The following NFATC2 variants were observed in gnomAD, a reference collection of about 807,000 sequenced individuals.
The protein encoded by NFATC2 is nuclear factor of activated T cells 2, also known as nuclear factor of activated T-cells, cytoplasmic 2.
A neutral mutation model predicts 87.3 loss-of-function variants in NFATC2; 22 were observed. That is an observed-to-expected ratio of 0.25 (90% confidence interval 0.18 to 0.36). NFATC2 has a LOEUF of 0.36. Among genes scored for constraint, NFATC2 ranks in the 10% least tolerant of loss-of-function variants. The pLI is 1.00. For synonymous variants in NFATC2, 565 were observed against 542.2 expected, an observed-to-expected ratio of 1.04 and a Z score of -0.58; for missense variants, 1,149 against 1,259.1, an observed-to-expected ratio of 0.91 and a Z score of 1.32.
At chr20:51,408,675 A>G (rs1978747696) in intron 9 of NFATC2, among the ~76,000 whole-genome samples, 2 of 152,204 alleles carry the variant, frequency 1.3e-5, no homozygotes, top group Admixed American at 6.5e-5. Flanking sequence ...CATACTGGAC[A>G]TAAAAATCAA....
intron 1 of NFATC2, among the ~76,000 whole-genome samples, chr20:51,561,324 TA>T (rs10656009): frequency 0.026 from 937 of 36,664 alleles, 16 homozygotes; most frequent in African/African-American, 0.11. Flanking sequence ...TCAATCTAGT[TA>T]AAAAAAAAAA....
chr20:51,492,599 G>A (rs2075912508), intron 3 of NFATC2, among the ~76,000 whole-genome samples: 1 of 152,214 alleles, frequency 6.6e-6, no homozygotes, highest in South Asian at 2.1e-4. Context: ...AGGGGACTGT[G>A]CGGGGCCCTC....
Position 51,435,745 on chromosome 20 carries a change from C to T in NFATC2, c.1866G>A (p.Trp622Ter). Residue 622 changes from tryptophan to a stop codon, truncating the protein, a stop_gained, in exon 7 of 11, where the codon TGG (tryptophan) becomes TGA (stop). Transcript: ENST00000371564. LOFTEE classifies it high-confidence loss of function. ...TEKTTDGQQIWEMEATVDKDK... is the reference protein window; with the variant it reads ...TEKTTDGQQI The stretch of plus-strand genomic sequence containing the variant: ...CCTTATCCACCGTGGCTTCCATCTC[C>T]CAAATTTGCTGTCCATCTAGAAAAA... 6.2e-7 allele frequency: 1 copy of T among 1,606,652 alleles called. No individual in the cohort carries two copies. The highest frequency in any genetic ancestry group is 8.5e-7 in the Non-Finnish European group (1 of 1,176,226).
At chr20:51,442,707 G>GTTT (rs11422409) in intron 6 of NFATC2, among the ~76,000 whole-genome samples, 14 of 139,832 alleles carry the variant, frequency 1.0e-4, no homozygotes, top group African/African-American at 3.9e-4. Flanking sequence ...AATAAAGTTT[G>GTTT]TTTTTTTTTT....
At chr20:51,438,685 C>G (rs1359602010) in intron 6 of NFATC2, among the ~76,000 whole-genome samples, 2 of 152,162 alleles carry the variant, frequency 1.3e-5, no homozygotes, top group Non-Finnish European at 2.9e-5. Context: ...TCAAGGGACG[C>G]AACACGAAGA....
chr20:51,426,771 G>A (rs1321632584), intron 9 of NFATC2, among the ~76,000 whole-genome samples: 1 of 152,170 alleles, frequency 6.6e-6, no homozygotes, highest in East Asian at 1.9e-4. Context: ...CACTTTTGTA[G>A]AAGGGAAAGG....
chr20:51,434,549 T>G (rs1305349476), intron 8 of NFATC2, among the ~76,000 whole-genome samples: 1 of 152,252 alleles, frequency 6.6e-6, no homozygotes, highest in Admixed American at 6.5e-5. Context: ...ACATTATCTA[T>G]GACCTAATCC....
chr20:51,505,111 T>C (rs1328863576), intron 3 of NFATC2, among the ~76,000 whole-genome samples: 1 of 145,860 alleles, frequency 6.9e-6, no homozygotes, highest in Admixed American at 7.0e-5. Flanking sequence ...CCTCCCGGGT[T>C]CACACCATTA....
intron 9 of NFATC2, among the ~76,000 whole-genome samples, chr20:51,407,447 T>C (rs1056275629): frequency 2.6e-5 from 4 of 152,228 alleles, no homozygotes; most frequent in African/African-American, 9.7e-5. Flanking sequence ...AGCGAAAGAA[T>C]GGACAAATAA....
chr20:51,547,263 T>C (rs953091281), upstream of NFATC2, among the ~76,000 whole-genome samples: 4 of 152,094 alleles, frequency 2.6e-5, no homozygotes, highest in African/African-American at 4.8e-5. Flanking sequence ...GTGGTAGCCA[T>C]AGAGATAAGA....
intron 3 of NFATC2, among the ~76,000 whole-genome samples, chr20:51,492,370 T>C (rs981367448): frequency 2.0e-5 from 3 of 151,486 alleles, no homozygotes; most frequent in African/African-American, 7.3e-5. Context: ...CAGGCAGGAG[T>C]GTGCGTGAGT....
intron 6 of NFATC2, among the ~76,000 whole-genome samples, chr20:51,438,811 C>T (rs1383139683): frequency 6.6e-6 from 1 of 152,206 alleles, no homozygotes. Flanking sequence ...CTAGCCAGCC[C>T]TGCACTGGCA....
intron 9 of NFATC2, among the ~76,000 whole-genome samples, chr20:51,400,240 G>A (rs1265128019): frequency 6.6e-6 from 1 of 152,182 alleles, no homozygotes; most frequent in Non-Finnish European, 1.5e-5. Flanking sequence ...CAGCTCTAAA[G>A]TTCTGTAATG....
intron 5 of NFATC2, among the ~76,000 whole-genome samples, chr20:51,470,774 C>T (rs987236229): frequency 2.6e-5 from 4 of 152,130 alleles, no homozygotes; most frequent in Non-Finnish European, 5.9e-5. Flanking sequence ...GTGGATTATA[C>T]AGTAAGTAGT....
At chr20:51,414,312 A>C (rs938009431) in intron 9 of NFATC2, among the ~76,000 whole-genome samples, 5 of 152,250 alleles carry the variant, frequency 3.3e-5, no homozygotes, top group African/African-American at 1.2e-4. Flanking sequence ...GTTCATTTCC[A>C]GGACTTCAAG....
At chr20:51,544,819 G>T (rs1174078999), upstream of NFATC2, among the ~76,000 whole-genome samples, 1 of 152,182 alleles carries the variant, frequency 6.6e-6, no homozygotes, top group African/African-American at 2.4e-5. Context: ...CCAATGTGTG[G>T]CCAGAGATGA....
In NFATC2 at chr20:51,424,849, T is replaced by TAA. The variant is rs34696779; in HGVS notation, c.2722+7216_2722+7217dup. ...TATTTGCATATGCTCGGGATTACAT[T>TAA]AAAAAAAAAAAAACCCTAAAGCATT... On this transcript the variant is annotated intron_variant, in intron 9 of 10. Transcript: ENST00000371564. 1.7e-3 allele frequency among the ~76,000 whole-genome samples: 241 copies of TAA among 143,196 alleles called. 3 individuals are homozygous for TAA. The highest frequency in any genetic ancestry group is 0.011 in the Admixed American group (163 of 14,400). The allele number at this position is 143,196 out of a possible 152,430, so 93.9% of individuals were successfully genotyped here.
At chr20:51,502,908 G>A (rs6013202) in intron 3 of NFATC2, among the ~76,000 whole-genome samples, 15,896 of 152,204 alleles carry the variant, frequency 0.1, 1,386 homozygotes, top group African/African-American at 0.24. Context: ...GATGTCAAGA[G>A]GATCAATTCA....
At chr20:51,396,046 A>G (rs1378258596) in intron 10 of NFATC2, among the ~76,000 whole-genome samples, 13 of 3,314 alleles carry the variant, frequency 3.9e-3, no homozygotes, top group South Asian at 0.034. Flanking sequence ...ATGTATATAT[A>G]TATATATATA....
Sources: allele counts gnomAD v4.1 joint callset (sites outside exome capture counted in the v4.1 genomes callset), GRCh38; gene constraint gnomAD v4.1.1; transcripts MANE v1.5; gene names NCBI Gene and HGNC (gene_info 2026-07-23, HGNC 2026-07-21).